Variants in TPX2 observed in about 807,000 individuals in gnomAD.
The protein encoded by TPX2 is TPX2 microtubule nucleation factor, also known as targeting protein for Xklp2.
Under a neutral mutation model 93.6 loss-of-function variants are expected in TPX2, and 21 were observed. The observed-to-expected ratio is 0.22, with a 90% confidence interval of 0.16 to 0.32. TPX2 has a LOEUF of 0.32. Among genes scored for constraint, TPX2 ranks in the 10% least tolerant of loss-of-function variants. The pLI, the probability that TPX2 is intolerant of heterozygous loss-of-function variation, is 1.00. For synonymous variants in TPX2, 281 were observed against 298.3 expected (o/e 0.94, Z 0.60); for missense variants, 776 against 871.1 (o/e 0.89, Z 1.37).
In TPX2 at chr20:31,776,359, C is replaced by T. The variant is rs562108868; in HGVS notation, c.730+371C>T. Among the ~76,000 whole-genome samples the T allele has an allele frequency of 1.6e-3, 238 of 152,108 alleles. 1 individual carries two copies. Among genetic ancestry groups the T allele is most frequent in the African/African-American group, 5.6e-3 (233 of 41,524 alleles). Reference sequence around the variant, plus strand: ...CCTCCCAAAGTGCTGGGATTACAGGCGTGAGCCACCGCACCCGGCCAGTAG... The same window carrying T: ...CCTCCCAAAGTGCTGGGATTACAGGTGTGAGCCACCGCACCCGGCCAGTAG... On this transcript the variant is annotated intron_variant, in intron 8 of 17. Coordinates refer to ENST00000300403, the MANE Select transcript of TPX2 (RefSeq NM_012112.5).
At chr20:31,767,281 T>C (rs1206763802) in intron 5 of TPX2, among the ~76,000 whole-genome samples, 1 of 152,252 alleles carries the variant, frequency 6.6e-6, no homozygotes, top group Non-Finnish European at 1.5e-5. Flanking sequence ...CAAACTCTTA[T>C]CAATCTGTTT....
At chr20:31,759,091 C>T (rs1478301026) in intron 3 of TPX2, among the ~76,000 whole-genome samples, 1 of 151,904 alleles carries the variant, frequency 6.6e-6, no homozygotes, top group Non-Finnish European at 1.5e-5. Context: ...ATTTCTTTCC[C>T]AAATAAATAG....
intron 12 of TPX2, among the ~76,000 whole-genome samples, chr20:31,788,514 C>G (rs1384749477): frequency 6.6e-6 from 1 of 151,640 alleles, no homozygotes. Context: ...TGCAGCTTGT[C>G]TGTCTGATGC....
intron 2 of TPX2, among the ~76,000 whole-genome samples, chr20:31,747,436 C>CTCTGTCTGTCTGTCTG (rs368418576): frequency 6.6e-6 from 1 of 151,728 alleles, no homozygotes; most frequent in Non-Finnish European, 1.5e-5. Context: ...ATATCTCTAT[C>CTCTGTCTGTCTGTCTG]TCTGTCTGTC....
At chr20:31,796,150 A>C (rs2062137732) in intron 15 of TPX2, among the ~76,000 whole-genome samples, 1 of 152,242 alleles carries the variant, frequency 6.6e-6, no homozygotes, top group Admixed American at 6.5e-5. Flanking sequence ...TTTCAGAAAT[A>C]TAAAAGTAGG....
intron 12 of TPX2, among the ~76,000 whole-genome samples, chr20:31,792,146 T>C (rs1473942215): frequency 6.6e-6 from 1 of 152,152 alleles, no homozygotes; most frequent in Non-Finnish European, 1.5e-5. Flanking sequence ...CCTCACACTT[T>C]GGGAGGCCAA....
intron 17 of TPX2, among the ~76,000 whole-genome samples, chr20:31,799,461 G>A (rs2062156889): frequency 6.6e-6 from 1 of 152,112 alleles, no homozygotes. Flanking sequence ...ACAATAAGTG[G>A]ATGTTATGTG....
rs1568592005 is a variant in TPX2 at position 31,775,854 on chromosome 20, A to AT, written c.609-9dup. The AT allele has an allele frequency of 1.9e-6, 3 of 1,542,826 alleles. No homozygotes were observed. The highest frequency in any genetic ancestry group is 2.6e-6 in the Non-Finnish European group (3 of 1,145,432). ...TCCTCTCCTCTCTTCTCATTTACTG[A>AT]TTTTCTCTTTAGGCAGAAGTTTCTA... On this transcript the variant is annotated splice_polypyrimidine_tract_variant and intron_variant, in intron 7 of 17. Transcript: ENST00000300403.
At chr20:31,798,590 C>T (rs751671585) in intron 17 of TPX2, 38 bp downstream of exon 17, 1 of 1,547,902 alleles carries the variant, frequency 6.5e-7, no homozygotes, top group African/African-American at 1.4e-5. Flanking sequence ...CACAAACATG[C>T]CTCTGTTTTA....
intron 12 of TPX2, among the ~76,000 whole-genome samples, chr20:31,786,336 A>C (rs116716857): frequency 0.012 from 1,813 of 151,792 alleles, 46 homozygotes; most frequent in African/African-American, 0.041. Context: ...TAAAAAAAAA[A>C]AAAACAACAG....
Position 31,801,296 on chromosome 20 carries a change from T to C in TPX2, c.*216T>C, listed in dbSNP as rs1302508776. 1 of 509,618 alleles carries C rather than the reference T, an allele frequency of 2.0e-6. No individual in the cohort carries two copies. The highest frequency in any genetic ancestry group is 3.5e-6 in the Non-Finnish European group (1 of 283,108). The allele number at this position is 509,618 out of a possible 1,614,324, so 31.6% of individuals were successfully genotyped here. On this transcript the variant is annotated 3_prime_UTR_variant, in exon 18 of 18. Transcript: ENST00000300403. ...AAGGCTAATAATGAGATGTAACTCATGAATGTCTCGATTAGACTCCATGTA... is the reference window on the plus strand; with the variant it reads ...AAGGCTAATAATGAGATGTAACTCACGAATGTCTCGATTAGACTCCATGTA...
chr20:31,745,364 C>CT (rs1568918916), intron 2 of TPX2, among the ~76,000 whole-genome samples: 1 of 142,132 alleles, frequency 7.0e-6, no homozygotes, highest in South Asian at 2.2e-4. Flanking sequence ...GAGTCTCACT[C>CT]TGTCAACCAG....
chr20:31,794,140 ACCC>A, intron 14 of TPX2, 116 bp downstream of exon 14: 1 of 1,196,758 alleles, frequency 8.4e-7, no homozygotes, highest in Non-Finnish European at 1.1e-6. Context: ...CTTTCTAAGA[ACCC>A]TATAAAATAT....
intron 1 of TPX2, among the ~76,000 whole-genome samples, 156 bp from the exon 2 acceptor site, chr20:31,742,385 C>G (rs895734052): frequency 1.3e-5 from 2 of 152,050 alleles, no homozygotes; most frequent in Non-Finnish European, 2.9e-5. Flanking sequence ...ACCATGTTGG[C>G]CAGGCTGGTC....
At position 31,760,098 on chromosome 20, in the gene TPX2, G is replaced by A. The variant is rs1245071834; in HGVS notation, c.148G>A (p.Gly50Arg). Residue 50 changes from glycine to arginine, a missense_variant, in exon 4 of 18, where the codon GGA becomes AGA. Gly to Arg is a moderately radical substitution (Grantham distance 125). Around this residue, in one of 3 missense-constraint regions of TPX2, gnomAD observed 36 missense variants for 58.3 expected, o/e 0.62. Coordinates refer to ENST00000300403, the MANE Select transcript of TPX2 (RefSeq NM_012112.5). ...GGAGAATAAGTTACTGGGGAAGAAT[G>A]GAACTGGAGGGCTTTTTCAGGGCAA... ...NLENKLLGKN[G>R]TGGLFQGKTP... The A allele has an allele frequency of 6.2e-7, 1 of 1,613,932 alleles. No individual in the cohort carries two copies. The highest frequency in any genetic ancestry group is 1.3e-5 in the African/African-American group (1 of 75,006).
chr20:31,778,701 C>A, intron 9 of TPX2, 112 bp from the exon 10 acceptor site: 1 of 956,456 alleles, frequency 1.0e-6, no homozygotes, highest in Non-Finnish European at 1.5e-6. Context: ...GAATAATAAT[C>A]TTGGTTTTAC....
intron 17 of TPX2, 73 bp downstream of exon 17, chr20:31,798,625 C>T (rs2062152359): frequency 6.2e-6 from 9 of 1,462,480 alleles, no homozygotes; most frequent in Non-Finnish European, 6.3e-6. Context: ...TACCTTGTAC[C>T]AGACAGGATC....
intron 5 of TPX2, among the ~76,000 whole-genome samples, chr20:31,766,962 C>T (rs1021530821): frequency 2.0e-4 from 30 of 151,748 alleles, no homozygotes; most frequent in African/African-American, 5.6e-4. Context: ...CCACCACACC[C>T]GGCTAATTTT....
chr20:31,792,415 A>C (rs984600507), intron 12 of TPX2, among the ~76,000 whole-genome samples: 3 of 152,112 alleles, frequency 2.0e-5, no homozygotes, highest in African/African-American at 2.4e-5. Flanking sequence ...TTTCTCTCTT[A>C]ATTCACCCTC....
Sources: gnomAD v4.1 joint callset for allele counts (sites outside exome capture counted in the v4.1 genomes callset) on GRCh38, gnomAD v4.1.1 for gene constraint, gnomAD v4.1.1 regional missense constraint, MANE v1.5 for transcripts, NCBI Gene and HGNC (gene_info 2026-07-23, HGNC 2026-07-21) for gene names.